Variants in GPC5 observed in about 807,000 individuals in gnomAD.
GPC5 encodes glypican-5.
GPC5 carries 47 observed loss-of-function variants against 53.9 expected under a neutral mutation model. The ratio of observed to expected loss-of-function variants is 0.87; its 90% confidence interval spans 0.69 to 1.11. The LOEUF is 1.11. Among genes scored for constraint, GPC5 ranks in the 50% most tolerant of loss-of-function variants. The probability of loss-of-function intolerance (pLI) is 0.00; values close to 1 mark genes in which losing one functional copy is unlikely to be tolerated. For missense variants in GPC5, 748 were observed against 713.1 expected (o/e 1.05, Z -0.56); for synonymous variants, 286 against 263.3 (o/e 1.09, Z -0.84).
chr13:92,313,385 A>G (rs1022497510), intron 7 of GPC5, among the ~76,000 whole-genome samples: 8 of 152,188 alleles, frequency 5.3e-5, no homozygotes, highest in Middle Eastern at 3.2e-3. Context: ...TTATACCTAA[A>G]AGCCACATAG....
chr13:92,089,706 T>C (rs1029799879), intron 6 of GPC5, among the ~76,000 whole-genome samples: 1 of 152,156 alleles, frequency 6.6e-6, no homozygotes, highest in Non-Finnish European at 1.5e-5. Context: ...ACCTAAATAT[T>C]ATTTATTAAT....
At chr13:92,499,276 A>G (rs1647294517) in intron 7 of GPC5, among the ~76,000 whole-genome samples, 1 of 152,166 alleles carries the variant, frequency 6.6e-6, no homozygotes, top group Non-Finnish European at 1.5e-5. Flanking sequence ...TCTTCCTGAC[A>G]TGATAGAATT....
At chr13:91,700,905 T>C (rs1187114912) in intron 3 of GPC5, among the ~76,000 whole-genome samples, 1 of 152,212 alleles carries the variant, frequency 6.6e-6, no homozygotes, top group African/African-American at 2.4e-5. Context: ...GTGATTCTTT[T>C]GAATTTTTCT....
chr13:91,805,189 C>G (rs2038200675), intron 5 of GPC5, among the ~76,000 whole-genome samples: 3 of 152,102 alleles, frequency 2.0e-5, no homozygotes, highest in Admixed American at 2.0e-4. Flanking sequence ...TATAGCTTTA[C>G]AAACTCCTCC....
intron 5 of GPC5, among the ~76,000 whole-genome samples, chr13:91,819,455 G>A (rs988532090): frequency 2.6e-5 from 4 of 152,030 alleles, no homozygotes; most frequent in East Asian, 1.9e-4. Context: ...CACCACACCC[G>A]GCCATATGCT....
At chr13:91,924,434 A>T (rs922596045) in intron 6 of GPC5, among the ~76,000 whole-genome samples, 3 of 152,174 alleles carry the variant, frequency 2.0e-5, no homozygotes, top group Non-Finnish European at 2.9e-5. Context: ...AAGTATCATT[A>T]TCTGGCCTAG....
intron 6 of GPC5, among the ~76,000 whole-genome samples, chr13:92,047,040 C>T (rs984610925): frequency 6.6e-6 from 1 of 152,118 alleles, no homozygotes; most frequent in Non-Finnish European, 1.5e-5. Context: ...CTCCCTAGCA[C>T]AGAGAATTCA....
At chr13:92,320,585 T>C (rs1443041867) in intron 7 of GPC5, among the ~76,000 whole-genome samples, 1 of 152,178 alleles carries the variant, frequency 6.6e-6, no homozygotes, top group Non-Finnish European at 1.5e-5. Flanking sequence ...TTAAGCTAAC[T>C]AATGAGTTCC....
intron 7 of GPC5, among the ~76,000 whole-genome samples, chr13:92,829,035 C>A (rs1400203779): frequency 6.6e-6 from 1 of 152,116 alleles, no homozygotes; most frequent in Non-Finnish European, 1.5e-5. Flanking sequence ...ATAAAATGCA[C>A]CCTCCCGAGA....
intron 6 of GPC5, among the ~76,000 whole-genome samples, chr13:92,143,714 G>T (rs1250412348): frequency 6.6e-6 from 1 of 152,096 alleles, no homozygotes; most frequent in Non-Finnish European, 1.5e-5. Flanking sequence ...TCACAATCCA[G>T]TTACTTAATC....
chr13:91,632,823 A>G (rs2034193301), intron 2 of GPC5, among the ~76,000 whole-genome samples: 1 of 152,146 alleles, frequency 6.6e-6, no homozygotes. Context: ...CTAATTCCCC[A>G]GGGTAACAGA....
At chr13:92,593,564 T>G (rs1337247505) in intron 7 of GPC5, among the ~76,000 whole-genome samples, 1 of 151,084 alleles carries the variant, frequency 6.6e-6, no homozygotes, top group African/African-American at 2.4e-5. Flanking sequence ...TCAGCAGAGA[T>G]AGCATTCAGC....
chr13:92,055,446 A>G (rs1310222756), intron 6 of GPC5, among the ~76,000 whole-genome samples: 1 of 152,220 alleles, frequency 6.6e-6, no homozygotes, highest in African/African-American at 2.4e-5. Flanking sequence ...TTCAAGATGT[A>G]AACTTTATCA....
In GPC5 at chr13:91,812,948, T is replaced by G. The variant is rs140374291; in HGVS notation, c.1280+56528T>G. ...GCTGTCAAGAAACACAGAGCCCAAA[T>G]GAAGTCTGTATTCATTGTCTCTCAC... On this transcript the variant is annotated intron_variant, in intron 5 of 7. Coordinates refer to ENST00000377067, the MANE Select transcript of GPC5 (RefSeq NM_004466.6). Among the ~76,000 whole-genome samples, 1,495 of 152,288 alleles carry G rather than the reference T, an allele frequency of 9.8e-3. 17 individuals are homozygous for G. Among genetic ancestry groups the G allele is most frequent in the Non-Finnish European group, 0.017 (1,135 of 68,016 alleles).
rs376347093 is a variant in GPC5 at position 92,237,306 on chromosome 13, G to A, written c.1561+92317G>A. Among the ~76,000 whole-genome samples the A allele has an allele frequency of 8.2e-4, 125 of 152,116 alleles. 4 individuals carry two copies. In the Middle Eastern group the frequency reaches 0.014, roughly 17 times the overall value. ...GTAATCTCAGCTCACTGCAACCTCC[G>A]CCTCCCAAGTTCAAGTGATCCTCTT... On this transcript the variant is annotated intron_variant, in intron 7 of 7. Coordinates refer to ENST00000377067, the MANE Select transcript of GPC5 (RefSeq NM_004466.6).
chr13:92,292,000 G>A (rs530660632), intron 7 of GPC5, among the ~76,000 whole-genome samples: 6 of 152,212 alleles, frequency 3.9e-5, no homozygotes, highest in South Asian at 2.1e-4. Flanking sequence ...ACAAGGGTCC[G>A]CGGCTTCATT....
intron 2 of GPC5, among the ~76,000 whole-genome samples, chr13:91,459,303 A>G (rs906230908): frequency 6.6e-6 from 1 of 152,150 alleles, no homozygotes; most frequent in Non-Finnish European, 1.5e-5. Context: ...TTAAAAAATA[A>G]TAAAATGAAA....
chr13:91,947,220 A>T (rs1251726072), intron 6 of GPC5, among the ~76,000 whole-genome samples: 2 of 152,178 alleles, frequency 1.3e-5, no homozygotes, highest in African/African-American at 4.8e-5. Context: ...TTCAATCCTT[A>T]TTCATACTGA....
In GPC5 at chr13:92,436,965, A is replaced by T. The variant is rs114322974; in HGVS notation, c.1561+291976A>T. On this transcript the variant is annotated intron_variant, in intron 7 of 7. Coordinates refer to ENST00000377067, the MANE Select transcript of GPC5 (RefSeq NM_004466.6). ...AACTTTAATTATTTAAAGGGAAAAC[A>T]TGACAAAATATAAAAAAGGATATCT... Among the ~76,000 whole-genome samples the T allele has an allele frequency of 1.5e-3, 234 of 152,330 alleles. 1 individual carries two copies. The highest frequency in any genetic ancestry group is 5.4e-3 in the African/African-American group (225 of 41,580).
Sources: gnomAD v4.1 joint callset for allele counts (sites outside exome capture counted in the v4.1 genomes callset) on GRCh38, gnomAD v4.1.1 for gene constraint, MANE v1.5 for transcripts, NCBI Gene and HGNC (gene_info 2026-07-23, HGNC 2026-07-21) for gene names.